MROH2A: variants seen among roughly 807,000 people sequenced by gnomAD.
The protein encoded by MROH2A is maestro heat-like repeat-containing protein family member 2A.
In MROH2A, 174 loss-of-function variants were observed where a neutral mutation model predicts 200.4. That is an observed-to-expected ratio of 0.87 (90% CI 0.77 to 0.98). The LOEUF (loss-of-function observed/expected upper bound fraction) is 0.98. Among genes scored for constraint, MROH2A ranks in the 50% least tolerant of loss-of-function variants. The pLI is 0.00. For missense variants in MROH2A, 2,045 were observed against 2,139.6 expected, an observed-to-expected ratio of 0.96 and a Z score of 0.87; for synonymous variants, 829 against 840.4, an observed-to-expected ratio of 0.99 and a Z score of 0.23.
At chr2:233,800,930 C>T (rs1053532055) in intron 14 of MROH2A, among the ~76,000 whole-genome samples, 3 of 152,222 alleles carry the variant, frequency 2.0e-5, no homozygotes, top group East Asian at 1.9e-4. Context: ...CCCTGTCCAG[C>T]GACAGCTTTT....
Position 233,822,139 on chromosome 2 carries a change from G to A in MROH2A, c.3528G>A (p.Val1176=), listed in dbSNP as rs1703981738. The change falls in exon 32 of 42, where the codon GTG becomes GTA. Residue 1176 remains valine (V), a synonymous_variant. Transcript: ENST00000389758. The stretch of plus-strand genomic sequence containing the variant: ...CTTTGGTTAGCCACCTGGCAGAGGT[G>A]TGGCTGGCAGTGTCGGAGAACGTGC... ...PLPMESHLAE[V]WLAVSENVPF... 1 of 1,549,634 alleles carries A rather than the reference G, an allele frequency of 6.5e-7. No homozygotes were observed. The highest frequency in any genetic ancestry group is 1.2e-5 in the South Asian group (1 of 83,992).
At chr2:233,822,803 C>A in intron 33 of MROH2A, 78 bp from the exon 34 acceptor site, 3 of 1,516,558 alleles carry the variant, frequency 2.0e-6, no homozygotes, top group South Asian at 1.3e-5. Context: ...TGGGGCCCCA[C>A]TTCACAGATT....
rs1255947032 is a variant in MROH2A, at chr2:233,789,483, T to C, written c.277-14T>C. ...AGGGTGAGGTCCATTCCACCCACCA[T>C]ACTTGTTTCCCAGATTTCCACCCAG... is the stretch of plus-strand genomic sequence containing the variant. On this transcript the variant is annotated splice_polypyrimidine_tract_variant and intron_variant, in intron 3 of 41. Transcript: ENST00000389758. 9 of 1,408,010 alleles carry C rather than the reference T, an allele frequency of 6.4e-6. No homozygotes were observed. Among genetic ancestry groups the C allele is most frequent in the Non-Finnish European group, 8.4e-6 (9 of 1,074,528 alleles). 87.2% of individuals were successfully genotyped at this position (1,408,010 alleles called of 1,614,324 possible). A position where few individuals can be genotyped will look rare whatever the true frequency, so the allele number is the denominator to read the frequency against.
intron 28 of MROH2A, 97 bp downstream of exon 28, chr2:233,818,222 G>A (rs1703680784): frequency 6.9e-7 from 1 of 1,441,456 alleles, no homozygotes; most frequent in Non-Finnish European, 9.3e-7. Context: ...GGGAAGGATG[G>A]CCTCTGTGCA....
rs148861203 is a variant in MROH2A, at chr2:233,792,941, G to A, written c.670+47G>A. On this transcript the variant is annotated intron_variant, in intron 6 of 41. Transcript: ENST00000389758. ...GCAGGTCTGGCTCGATCAGGGCGCC[G>A]GAGGGAGACTGCTGGGTAAGGAGCA... is the stretch of plus-strand genomic sequence containing the variant. 1,486 of 1,534,042 alleles carry A rather than the reference G, an allele frequency of 9.7e-4. 12 individuals carry two copies. The African/African-American group carries it at 0.017, about 17-fold the overall frequency.
At position 233,795,749 on chromosome 2, in the gene MROH2A, A is replaced by T. The variant is rs1232323158; in HGVS notation, c.1059+4A>T. 6.4e-7 allele frequency: 1 copy of T among 1,551,036 alleles called. No individual in the cohort carries two copies. The highest frequency in any genetic ancestry group is 2.0e-5 in the Admixed American group (1 of 51,016). ...TTTCACAGAACTGCACGTCCAGGTGAGGCCAGCAAGCTCAGCTGGACAAGG... is the reference window on the plus strand; with the variant it reads ...TTTCACAGAACTGCACGTCCAGGTGTGGCCAGCAAGCTCAGCTGGACAAGG... On this transcript the variant is annotated splice_donor_region_variant and intron_variant, in intron 9 of 41. Coordinates refer to ENST00000389758, the MANE Select transcript of MROH2A (RefSeq NM_001394639.1).
At chr2:233,776,545 T>C (rs1700712516), upstream of MROH2A, among the ~76,000 whole-genome samples, 3 of 151,876 alleles carry the variant, frequency 2.0e-5, no homozygotes, top group Non-Finnish European at 4.4e-5. Context: ...TATTTTTTAG[T>C]AGAGACAGCG....
rs1559490799 is a variant in MROH2A, at chr2:233,833,120, CTT to C, written c.4904-16_4904-15del. 1 of 1,531,206 alleles carries C rather than the reference CTT, an allele frequency of 6.5e-7. No homozygotes were observed. The highest frequency in any genetic ancestry group is 1.2e-5 in the South Asian group (1 of 80,330). The allele number at this position is 1,531,206 out of a possible 1,614,324, so 94.9% of individuals were successfully genotyped here. ...ACTGGGCGGGGCCTGAACCTTCCCT[CTT>C]TGTGTTCTCTCTCAGCCCTCCAGGA... is the stretch of plus-strand genomic sequence containing the variant. On this transcript the variant is annotated splice_polypyrimidine_tract_variant and intron_variant, in intron 41 of 41. Coordinates refer to ENST00000389758, the MANE Select transcript of MROH2A (RefSeq NM_001394639.1).
intron 26 of MROH2A, 128 bp downstream of exon 26, chr2:233,814,805 T>C: frequency 1.6e-6 from 1 of 610,848 alleles, no homozygotes; most frequent in Admixed American, 3.6e-5. Context: ...TGTTATAAAA[T>C]TCCAGATCTG....
chr2:233,802,407 C>A, intron 15 of MROH2A, 92 bp downstream of exon 15: 1 of 1,368,710 alleles, frequency 7.3e-7, no homozygotes, highest in South Asian at 1.5e-5. Flanking sequence ...TCCTCCCACC[C>A]TCATTCCCCC....
At position 233,828,450 on chromosome 2, in the gene MROH2A, A is replaced by G. The variant is rs1318259317; in HGVS notation, c.4114-180A>G. On this transcript the variant is annotated intron_variant, in intron 35 of 41. Transcript: ENST00000389758. This position sits in a 1 kb window ranked among gnomAD's most constrained non-coding sequence, Gnocchi z 4.6. ...ATATTTCCTTATTAAATCCCCACAC[A>G]GACCCTGAGGCAGGTACTAGCATCA... 1.6e-6 allele frequency: 1 copy of G among 641,492 alleles called. No homozygotes were observed. The highest frequency in any genetic ancestry group is 2.7e-6 in the Non-Finnish European group (1 of 370,892). The allele number at this position is 641,492 out of a possible 1,614,324, so 39.7% of individuals were successfully genotyped here.
In MROH2A at chr2:233,792,337, G is replaced by A. The variant is rs181244673; in HGVS notation, c.572-459G>A. The stretch of plus-strand genomic sequence containing the variant: ...TCACTTTTTTTTTTTTTTTGAGATG[G>A]AGTCATGCTCTGTCGCCCAGGCTGG... On this transcript the variant is annotated intron_variant, in intron 5 of 41. Coordinates refer to ENST00000389758, the MANE Select transcript of MROH2A (RefSeq NM_001394639.1). Among the ~76,000 whole-genome samples, 626 of 148,550 alleles carry A rather than the reference G, an allele frequency of 4.2e-3. 6 individuals are homozygous for A. Among genetic ancestry groups the A allele is most frequent in the African/African-American group, 0.015 (586 of 40,160 alleles).
chr2:233,807,626 T>TTGTGTGTG lies in MROH2A; in HGVS notation c.2172+92_2173-92dup. ...GTGTGTTCATGTGGCTGCATGCGTT[T>TTGTGTGTG]TGTGTGTGTGTGTGTACATGTGTGT... On this transcript the variant is annotated intron_variant, in intron 20 of 41. Transcript: ENST00000389758. The surrounding 1 kb of genome is among the most constrained non-coding windows in gnomAD (Gnocchi z 4.3). 6.8e-7 allele frequency: 1 copy of TTGTGTGTG among 1,460,892 alleles called. No homozygotes were observed. Among genetic ancestry groups the TTGTGTGTG allele is most frequent in the South Asian group, 1.2e-5 (1 of 80,020 alleles). 90.5% of individuals were successfully genotyped at this position (1,460,892 alleles called of 1,614,324 possible).
intron 28 of MROH2A, among the ~76,000 whole-genome samples, chr2:233,818,386 A>G (rs1703693175): frequency 6.6e-6 from 1 of 152,124 alleles, no homozygotes. Flanking sequence ...GGCTGGGAGA[A>G]AGTCAGCTCC....
rs1702338254 is a variant in MROH2A, at chr2:233,799,766, T to G, written c.1330-14T>G. The G allele has an allele frequency of 1.9e-6, 3 of 1,550,168 alleles. No individual in the cohort carries two copies. The highest frequency in any genetic ancestry group is 8.7e-7 in the Non-Finnish European group (1 of 1,146,928). ...ACCCCAACCCCCAGCATGTCCACGG[T>G]CCTGTCCCCTCAGGTGAGGATGGCT... is the stretch of plus-strand genomic sequence containing the variant. On this transcript the variant is annotated splice_polypyrimidine_tract_variant and intron_variant, in intron 12 of 41. Transcript: ENST00000389758.
Position 233,793,679 on chromosome 2 carries a change from A to G in MROH2A, c.677A>G (p.Glu226Gly). 1 of 1,404,274 alleles carries G rather than the reference A, an allele frequency of 7.1e-7. No homozygotes were observed. Among genetic ancestry groups the G allele is most frequent in the Non-Finnish European group, 9.3e-7 (1 of 1,073,270 alleles). 87.0% of individuals were successfully genotyped at this position (1,404,274 alleles called of 1,614,324 possible). A position where few individuals can be genotyped will look rare whatever the true frequency, so the allele number is the denominator to read the frequency against. ...CCCCTGTTGCTGTTGGTAGCCATGG[A>G]GACCTTCTGTGAGACGGTGCAGTTT... ...KIRQAICSAM[E>G]TFCETVQFYL... is the part of the protein sequence containing the mutation. Residue 226 changes from glutamate to glycine, a missense_variant, in exon 7 of 42, where the codon GAG (glutamate) becomes GGG (glycine). Glu to Gly is a moderately conservative substitution (Grantham distance 98). This residue lies in a region of MROH2A where 831 missense variants were observed against 800.0 expected (regional missense o/e 1.04). Transcript: ENST00000389758.
rs753653994 is a variant in MROH2A, at chr2:233,823,552, G to T, written c.4005-4G>T. 3 of 1,549,604 alleles carry T rather than the reference G, an allele frequency of 1.9e-6. No individual in the cohort carries two copies. The highest frequency in any genetic ancestry group is 2.6e-6 in the Non-Finnish European group (3 of 1,146,762). On this transcript the variant is annotated splice_polypyrimidine_tract_variant and splice_region_variant and intron_variant, in intron 34 of 41. Transcript: ENST00000389758. ...CACGACCTGGCACTGTCTCTCCTCT[G>T]CAGGCTGTGCATGCAGCACGTGGAG... is the stretch of plus-strand genomic sequence containing the variant.
chr2:233,824,694 C>T (rs935804256), intron 35 of MROH2A, among the ~76,000 whole-genome samples: 1 of 152,244 alleles, frequency 6.6e-6, no homozygotes, highest in African/African-American at 2.4e-5. Flanking sequence ...GCAGTGCCTT[C>T]TTTTCAGGGC....
chr2:233,811,900 G>A lies in MROH2A; in HGVS notation c.2592G>A (p.Pro864=), dbSNP rs755296439. Residue 864 remains proline (P), a synonymous_variant, in exon 24 of 42, where the codon CCG becomes CCA. Coordinates refer to ENST00000389758, the MANE Select transcript of MROH2A (RefSeq NM_001394639.1). The part of the protein sequence containing the change: ...SIIVAVIKAE[P]TDNLVSPVRA... ...GACAGGCGGTCATCAAGGCAGAACC[G>A]ACTGACAACCTGGTTTCTCCAGTGC... 2.1e-4 allele frequency: 331 copies of A among 1,550,226 alleles called. No homozygotes were observed. The highest frequency in any genetic ancestry group is 2.8e-4 in the Non-Finnish European group (316 of 1,146,922).
Sources: allele counts gnomAD v4.1 joint callset (sites outside exome capture counted in the v4.1 genomes callset), GRCh38; gene constraint gnomAD v4.1.1; regional missense constraint gnomAD v4.1.1; non-coding constraint Gnocchi (gnomAD v3.1); transcripts MANE v1.5; gene names NCBI Gene and HGNC (gene_info 2026-07-23, HGNC 2026-07-21).